The following GRIK1 variants were observed in gnomAD, a reference collection of about 807,000 sequenced individuals.
GRIK1 encodes glutamate receptor ionotropic, kainate 1.
Under a neutral mutation model 105.7 loss-of-function variants are expected in GRIK1, and 69 were observed. That is an observed-to-expected ratio of 0.65 (90% CI 0.54 to 0.80). The LOEUF (loss-of-function observed/expected upper bound fraction) is 0.80. Among genes scored for constraint, GRIK1 ranks in the 30% least tolerant of loss-of-function variants. The pLI is 0.00. For missense variants in GRIK1, 1,109 were observed against 1,167.3 expected (o/e 0.95, Z 0.73); for synonymous variants, 438 against 431.3 (o/e 1.02, Z -0.19).
chr21:29,750,128 A>G (rs1276099748), intron 1 of GRIK1, among the ~76,000 whole-genome samples: 1 of 152,070 alleles, frequency 6.6e-6, no homozygotes, highest in East Asian at 1.9e-4. Context: ...AATTGAGGAG[A>G]GGGAAGCATC....
Position 29,577,148 on chromosome 21 carries a change from C to T in GRIK1, c.1946G>A (p.Arg649Lys), listed in dbSNP as rs2090915219. The change falls in exon 14 of 18, where the codon AGA becomes AAA. Residue 649 changes from arginine to lysine, a missense_variant. Transcript: ENST00000327783. Reference sequence around the variant, plus strand: ...AAACCACCATATCCCTCCAACTATTCTGGTCGATAGAGCTTTGGGCATCAG... The same window carrying T: ...AAACCACCATATCCCTCCAACTATTTTGGTCGATAGAGCTTTGGGCATCAG... The part of the protein sequence containing the change: ...SELMPKALST[R>K]IVGGIWWFFT... 6.2e-7 allele frequency: 1 copy of T among 1,611,050 alleles called. No homozygotes were observed. The highest frequency in any genetic ancestry group is 8.5e-7 in the Non-Finnish European group (1 of 1,177,238).
chr21:29,770,876 G>A (rs2065796275), intron 1 of GRIK1, among the ~76,000 whole-genome samples: 1 of 152,198 alleles, frequency 6.6e-6, no homozygotes, highest in South Asian at 2.1e-4. Flanking sequence ...AGCAATTAGT[G>A]TCACCTTATT....
intron 1 of GRIK1, among the ~76,000 whole-genome samples, chr21:29,866,179 T>C (rs1470096689): frequency 6.6e-6 from 1 of 152,030 alleles, no homozygotes; most frequent in Non-Finnish European, 1.5e-5. Flanking sequence ...CAATCTCCCA[T>C]CTCAGCCTCT....
intron 1 of GRIK1, among the ~76,000 whole-genome samples, chr21:29,766,040 A>G (rs2145715417): frequency 6.6e-6 from 1 of 151,800 alleles, no homozygotes; most frequent in South Asian, 2.1e-4. Flanking sequence ...TTTAGTAGAG[A>G]CGGTTTTACC....
At chr21:29,929,306 C>A (rs911870802) in intron 1 of GRIK1, among the ~76,000 whole-genome samples, 3 of 152,130 alleles carry the variant, frequency 2.0e-5, no homozygotes, top group Admixed American at 6.5e-5. Context: ...CTTTAATAAT[C>A]GAGAATCTAC....
At chr21:29,826,539 A>G (rs2067462233) in intron 1 of GRIK1, among the ~76,000 whole-genome samples, 3 of 152,108 alleles carry the variant, frequency 2.0e-5, no homozygotes. Flanking sequence ...GATGGCCTTC[A>G]GATTTAAAAG....
chr21:29,883,299 A>T (rs1475182106), intron 1 of GRIK1, among the ~76,000 whole-genome samples: 1 of 152,120 alleles, frequency 6.6e-6, no homozygotes, highest in African/African-American at 2.4e-5. Context: ...ATTAGAACTG[A>T]TAATAAGTGC....
At chr21:29,765,481 A>G (rs1194775252) in intron 1 of GRIK1, among the ~76,000 whole-genome samples, 1 of 152,032 alleles carries the variant, frequency 6.6e-6, no homozygotes, top group Non-Finnish European at 1.5e-5. Flanking sequence ...GATTTATTTA[A>G]GTTATTGCAT....
chr21:29,915,566 G>C (rs1459615462), intron 1 of GRIK1, among the ~76,000 whole-genome samples: 1 of 151,976 alleles, frequency 6.6e-6, no homozygotes, highest in East Asian at 1.9e-4. Context: ...AGGATGGCTG[G>C]TTTGGTGTGT....
At chr21:29,694,117 ATTTTTTTTTTT>A (rs11434895) in intron 1 of GRIK1, 54 bp from the exon 2 acceptor site, 27 of 435,148 alleles carry the variant, frequency 6.2e-5, no homozygotes, top group South Asian at 1.5e-4. Context: ...TTCACATGTA[ATTTTTTTTTTT>A]TTTTTTTTTT....
chr21:29,861,146 C>A (rs1002092828), intron 1 of GRIK1, among the ~76,000 whole-genome samples: 3 of 152,068 alleles, frequency 2.0e-5, no homozygotes, highest in Non-Finnish European at 4.4e-5. Flanking sequence ...TCCAATCTCC[C>A]GGTTGTCTAT....
chr21:29,539,597 G>T (rs979195274), intron 16 of GRIK1, among the ~76,000 whole-genome samples: 3 of 152,150 alleles, frequency 2.0e-5, no homozygotes, highest in African/African-American at 4.8e-5. Context: ...ACCATATAAA[G>T]CTTGTGTGTT....
At chr21:29,557,839 A>G (rs965345666) in intron 15 of GRIK1, among the ~76,000 whole-genome samples, 1 of 152,226 alleles carries the variant, frequency 6.6e-6, no homozygotes, top group Non-Finnish European at 1.5e-5. Flanking sequence ...TTTAATGTAC[A>G]TGAAAGTGCT....
intron 12 of GRIK1, among the ~76,000 whole-genome samples, chr21:29,584,901 T>A (rs573543843): frequency 6.6e-5 from 10 of 152,182 alleles, no homozygotes; most frequent in Non-Finnish European, 1.3e-4. Context: ...GGGAATCAAG[T>A]CTAAATATAT....
intron 1 of GRIK1, among the ~76,000 whole-genome samples, chr21:29,790,783 A>G (rs1434359282): frequency 1.3e-5 from 2 of 152,170 alleles, no homozygotes; most frequent in Non-Finnish European, 2.9e-5. Context: ...CCTATTTACA[A>G]TGAATGTTTG....
intron 1 of GRIK1, among the ~76,000 whole-genome samples, chr21:29,747,178 G>C (rs2065067534): frequency 6.6e-6 from 1 of 152,192 alleles, no homozygotes; most frequent in Non-Finnish European, 1.5e-5. Flanking sequence ...TGCAAGACTT[G>C]ATTGTAACCT....
intron 1 of GRIK1, among the ~76,000 whole-genome samples, chr21:29,740,686 C>T (rs970630165): frequency 5.9e-5 from 9 of 152,186 alleles, no homozygotes; most frequent in Admixed American, 1.3e-4. Context: ...GTATCTTTAA[C>T]AATCTATTAG....
At chr21:29,685,577 A>G (rs2063472689) in intron 3 of GRIK1, among the ~76,000 whole-genome samples, 1 of 152,172 alleles carries the variant, frequency 6.6e-6, no homozygotes, top group South Asian at 2.1e-4. Context: ...TCTCTGTGGC[A>G]TGCAATATTC....
intron 16 of GRIK1, among the ~76,000 whole-genome samples, chr21:29,547,034 A>G (rs1193319996): frequency 1.3e-5 from 2 of 152,220 alleles, no homozygotes; most frequent in Non-Finnish European, 2.9e-5. Context: ...AGTCTCATTT[A>G]TCATCCTCTT....
Sources: allele counts gnomAD v4.1 joint callset (sites outside exome capture counted in the v4.1 genomes callset), GRCh38; gene constraint gnomAD v4.1.1; transcripts MANE v1.5; gene names NCBI Gene and HGNC (gene_info 2026-07-23, HGNC 2026-07-21).